The following FAM171A1 variants were observed in gnomAD, a reference collection of about 807,000 sequenced individuals.
FAM171A1 encodes family with sequence similarity 171 member A1.
In FAM171A1, 23 loss-of-function variants were observed where a neutral mutation model predicts 74.9. That is an observed-to-expected ratio of 0.31 (90% confidence interval 0.22 to 0.44). The LOEUF is 0.44. FAM171A1 is among the 20% of genes least tolerant of loss of function. The probability of loss-of-function intolerance (pLI) is 1.00; values close to 1 mark genes in which losing one functional copy is unlikely to be tolerated. For synonymous variants in FAM171A1, 527 were observed against 505.7 expected, an observed-to-expected ratio of 1.04 and a Z score of -0.57; for missense variants, 1,162 against 1,159.2, an observed-to-expected ratio of 1.00 and a Z score of -0.03.
At chr10:15,263,479 A>C (rs1156711423) in intron 3 of FAM171A1, among the ~76,000 whole-genome samples, 13 of 152,184 alleles carry the variant, frequency 8.5e-5, no homozygotes, top group Admixed American at 7.9e-4. Flanking sequence ...TTATCATCTC[A>C]CAGACAAGTT....
chr10:15,350,053 C>G (rs557644427), intron 1 of FAM171A1, among the ~76,000 whole-genome samples: 97 of 151,984 alleles, frequency 6.4e-4, no homozygotes, highest in South Asian at 4.2e-4. Context: ...AGATCAGACA[C>G]GGCACCCGGT....
intron 1 of FAM171A1, among the ~76,000 whole-genome samples, chr10:15,307,398 A>C (rs968075250): frequency 1.3e-5 from 2 of 152,058 alleles, no homozygotes; most frequent in Non-Finnish European, 2.9e-5. Flanking sequence ...TAATCACTGC[A>C]TTTTGGAAGG....
chr10:15,358,064 C>T (rs1214312139), intron 1 of FAM171A1, among the ~76,000 whole-genome samples: 1 of 152,214 alleles, frequency 6.6e-6, no homozygotes, highest in African/African-American at 2.4e-5. Flanking sequence ...CAGTCTCCAA[C>T]ACCTGGGCTT....
At chr10:15,360,335 T>G (rs1055580706) in intron 1 of FAM171A1, among the ~76,000 whole-genome samples, 3 of 152,212 alleles carry the variant, frequency 2.0e-5, no homozygotes, top group Non-Finnish European at 4.4e-5. Flanking sequence ...GAGACAATAA[T>G]GGGTGGCTAA....
chr10:15,269,878 T>G (rs1834799547), intron 3 of FAM171A1, among the ~76,000 whole-genome samples: 1 of 152,354 alleles, frequency 6.6e-6, no homozygotes, highest in African/African-American at 2.4e-5. Flanking sequence ...CAGCTGTGGA[T>G]AAATTCACTG....
intron 4 of FAM171A1, among the ~76,000 whole-genome samples, chr10:15,252,903 G>A (rs527583096): frequency 1.3e-5 from 2 of 152,326 alleles, no homozygotes; most frequent in South Asian, 2.1e-4. Flanking sequence ...AAAATTTAAT[G>A]AGTCCCGAGC....
chr10:15,332,723 A>G (rs1835655205), intron 1 of FAM171A1, among the ~76,000 whole-genome samples: 1 of 152,166 alleles, frequency 6.6e-6, no homozygotes, highest in Non-Finnish European at 1.5e-5. Flanking sequence ...GTTCTGTTCC[A>G]TTACCTACAG....
chr10:15,249,967 A>G (rs889496266), intron 4 of FAM171A1, among the ~76,000 whole-genome samples: 19 of 152,384 alleles, frequency 1.2e-4, no homozygotes, highest in African/African-American at 3.8e-4. Flanking sequence ...TTTAAGCTGC[A>G]TTAAAATACA....
intron 5 of FAM171A1, among the ~76,000 whole-genome samples, chr10:15,226,298 C>T (rs11259556): frequency 0.18 from 26,897 of 152,140 alleles, 2,687 homozygotes; most frequent in African/African-American, 0.27. Flanking sequence ...GGCCTGTTAC[C>T]GGGACTGCAT....
chr10:15,216,175 T>C (rs1833964537), intron 6 of FAM171A1, 65 bp from the exon 7 acceptor site: 6 of 1,035,300 alleles, frequency 5.8e-6, no homozygotes, highest in Middle Eastern at 2.1e-4. Context: ...GGATCATTCA[T>C]TGAGAACGCA....
chr10:15,343,425 T>C (rs952940059), intron 1 of FAM171A1, among the ~76,000 whole-genome samples: 1 of 152,176 alleles, frequency 6.6e-6, no homozygotes, highest in African/African-American at 2.4e-5. Flanking sequence ...GGGAAGTGTC[T>C]GGACCCTCAG....
chr10:15,253,205 T>C (rs1313050468), intron 4 of FAM171A1, among the ~76,000 whole-genome samples: 2 of 152,092 alleles, frequency 1.3e-5, no homozygotes, highest in East Asian at 1.9e-4. Flanking sequence ...CATTTCATCA[T>C]GTTGGCCAGG....
chr10:15,323,409 C>T (rs538221869), intron 1 of FAM171A1, among the ~76,000 whole-genome samples: 3 of 152,210 alleles, frequency 2.0e-5, no homozygotes, highest in East Asian at 1.9e-4. Context: ...GCAGAGATCA[C>T]GCCATTGCAC....
At chr10:15,370,240 C>CTTTTTTTTTTT (rs34087157) in intron 1 of FAM171A1, among the ~76,000 whole-genome samples, 1 of 110,866 alleles carries the variant, frequency 9.0e-6, no homozygotes, top group Non-Finnish European at 1.8e-5. Flanking sequence ...AAGGATTTTT[C>CTTTTTTTTTTT]TTTTTTTTTT....
In FAM171A1 at chr10:15,357,124, A is replaced by G. The variant is rs11259620; in HGVS notation, c.97+13832T>C. On this transcript the variant is annotated intron_variant, in intron 1 of 7. Transcript: ENST00000378116. ...GGAAACCCTGTCTCTACTAAAAAAT[A>G]CAAAACATATTAGCCAGGCATGGTG... 4.0e-3 allele frequency among the ~76,000 whole-genome samples: 605 copies of G among 152,022 alleles called. 7 individuals carry two copies. The highest frequency in any genetic ancestry group is 0.013 in the African/African-American group (558 of 41,446).
chr10:15,284,333 T>C (rs1333879781), intron 1 of FAM171A1, among the ~76,000 whole-genome samples: 1 of 152,196 alleles, frequency 6.6e-6, no homozygotes, highest in African/African-American at 2.4e-5. Context: ...ACTGCTTTCT[T>C]CTTTACTACT....
chr10:15,256,083 C>A (rs1402306964), intron 3 of FAM171A1, among the ~76,000 whole-genome samples: 1 of 152,174 alleles, frequency 6.6e-6, no homozygotes, highest in African/African-American at 2.4e-5. Flanking sequence ...GTAGATCCAA[C>A]CCCAGGCTTG....
chr10:15,256,279 T>A (rs999019497), intron 3 of FAM171A1, among the ~76,000 whole-genome samples: 7 of 151,446 alleles, frequency 4.6e-5, no homozygotes, highest in Non-Finnish European at 1.0e-4. Flanking sequence ...AAAAAGGGAG[T>A]TTTAGAGCTC....
chr10:15,253,170 AT>A (rs1461512331), intron 4 of FAM171A1, among the ~76,000 whole-genome samples: 3 of 151,852 alleles, frequency 2.0e-5, no homozygotes, highest in Admixed American at 1.3e-4. Context: ...CACCCAGCTA[AT>A]TTTTGTATTT....
Sources: gnomAD v4.1 joint callset for allele counts (sites outside exome capture counted in the v4.1 genomes callset) on GRCh38, gnomAD v4.1.1 for gene constraint, MANE v1.5 for transcripts, NCBI Gene and HGNC (gene_info 2026-07-23, HGNC 2026-07-21) for gene names.